The following SYN3 variants were observed in gnomAD, a reference collection of about 807,000 sequenced individuals.
SYN3 encodes the protein synapsin III, also known as synapsin-3.
A neutral mutation model predicts 65.8 loss-of-function variants in SYN3; 35 were observed. That is an observed-to-expected ratio of 0.53 (90% CI 0.41 to 0.70). The LOEUF (loss-of-function observed/expected upper bound fraction) is 0.70, where lower values mean the gene tolerates loss of function less well. Ranked by LOEUF, SYN3 falls within the 30% of genes least tolerant of loss-of-function variation. The pLI is 0.00. For synonymous variants in SYN3, 270 were observed against 292.9 expected (o/e 0.92, Z 0.80); for missense variants, 680 against 749.0 (o/e 0.91, Z 1.08).
At chr22:32,572,551 CCTT>C (rs1051763470) in intron 7 of SYN3, among the ~76,000 whole-genome samples, 23 of 142,706 alleles carry the variant, frequency 1.6e-4, no homozygotes, top group African/African-American at 5.7e-4. Flanking sequence ...TTTTCTCTCT[CCTT>C]CTCTTTCCTT....
intron 6 of SYN3, among the ~76,000 whole-genome samples, chr22:32,754,340 C>T (rs780377220): frequency 2.6e-5 from 4 of 152,080 alleles, no homozygotes; most frequent in Non-Finnish European, 2.9e-5. Flanking sequence ...TTAGTAGAGA[C>T]GGGGTTTCAC....
At chr22:32,746,477 C>A (rs1425241591) in intron 6 of SYN3, among the ~76,000 whole-genome samples, 2 of 151,994 alleles carry the variant, frequency 1.3e-5, no homozygotes, top group Non-Finnish European at 2.9e-5. Flanking sequence ...AAAGCGTGGA[C>A]AAACCCATGA....
intron 7 of SYN3, among the ~76,000 whole-genome samples, chr22:32,559,698 G>C (rs759174977): frequency 4.6e-5 from 7 of 152,112 alleles, no homozygotes; most frequent in Non-Finnish European, 8.8e-5. Context: ...CGTGGCGGCG[G>C]GTGGCGCCTG....
chr22:32,678,218 C>T (rs1017478840), intron 6 of SYN3, among the ~76,000 whole-genome samples: 6 of 152,202 alleles, frequency 3.9e-5, no homozygotes, highest in Non-Finnish European at 8.8e-5. Flanking sequence ...ATGAATTTGA[C>T]TCTAGAATGG....
chr22:32,634,627 T>C (rs1045037618), intron 6 of SYN3, among the ~76,000 whole-genome samples: 1 of 152,202 alleles, frequency 6.6e-6, no homozygotes, highest in Non-Finnish European at 1.5e-5. Context: ...GCTTCCTTGT[T>C]TTTTGTTCAC....
At chr22:32,572,388 T>C (rs1374806796) in intron 7 of SYN3, among the ~76,000 whole-genome samples, 90 of 72,370 alleles carry the variant, frequency 1.2e-3, no homozygotes, top group East Asian at 4.4e-3. Context: ...CCATCTTTCC[T>C]TCCTTCCCTC....
intron 6 of SYN3, among the ~76,000 whole-genome samples, chr22:32,782,515 C>CTTTTTTTTTTT (rs1265679936): frequency 8.1e-6 from 1 of 124,172 alleles, no homozygotes; most frequent in Non-Finnish European, 1.7e-5. Flanking sequence ...CCTTGTAATT[C>CTTTTTTTTTTT]TTTTTTTTTT....
intron 1 of SYN3, among the ~76,000 whole-genome samples, chr22:33,009,751 AACACACAC>A (rs58156623): frequency 0.12 from 17,599 of 141,196 alleles, 1,146 homozygotes; most frequent in Admixed American, 0.16. Flanking sequence ...TACGTATCTA[AACACACAC>A]ACACACACAC....
intron 6 of SYN3, among the ~76,000 whole-genome samples, chr22:32,760,455 C>T: frequency 6.6e-6 from 1 of 152,078 alleles, no homozygotes; most frequent in Non-Finnish European, 1.5e-5. Flanking sequence ...GGAAACGGGG[C>T]TCAGAGATGG....
intron 6 of SYN3, among the ~76,000 whole-genome samples, chr22:32,624,555 G>A (rs1014319834): frequency 1.3e-5 from 2 of 152,188 alleles, no homozygotes; most frequent in Non-Finnish European, 2.9e-5. Context: ...CACCTGTAGG[G>A]ACCTGTCCAA....
At chr22:32,676,251 C>T (rs990225770) in intron 6 of SYN3, among the ~76,000 whole-genome samples, 6 of 2,574 alleles carry the variant, frequency 2.3e-3, no homozygotes, top group Non-Finnish European at 3.2e-3. Context: ...TTCATTAAGG[C>T]GTATCCCAGG....
chr22:32,830,042 C>T (rs890996113), intron 6 of SYN3, among the ~76,000 whole-genome samples: 1 of 152,342 alleles, frequency 6.6e-6, no homozygotes, highest in African/African-American at 2.4e-5. Flanking sequence ...AACTGAAATG[C>T]TCCAAACAAG....
intron 5 of SYN3, 46 bp downstream of exon 5, chr22:32,868,920 C>CCACT: frequency 6.3e-7 from 1 of 1,579,324 alleles, no homozygotes; most frequent in East Asian, 2.3e-5. Context: ...GGGAGGCCAC[C>CCACT]CACTGCCTCC....
chr22:32,693,131 AT>A (rs1160161764), intron 6 of SYN3, among the ~76,000 whole-genome samples: 1 of 152,212 alleles, frequency 6.6e-6, no homozygotes, highest in African/African-American at 2.4e-5. Flanking sequence ...ATGAAGTTTA[AT>A]TTATAAATTA....
chr22:32,550,588 T>G (rs2058398589), intron 7 of SYN3, among the ~76,000 whole-genome samples: 1 of 151,972 alleles, frequency 6.6e-6, no homozygotes. Flanking sequence ...AATAAATAAG[T>G]GTTGTAATCT....
intron 6 of SYN3, among the ~76,000 whole-genome samples, chr22:32,787,127 A>C (rs2046216148): frequency 6.8e-6 from 1 of 146,162 alleles, no homozygotes; most frequent in Admixed American, 7.1e-5. Context: ...GGCTCACTGC[A>C]GCCTCCATCT....
chr22:32,571,094 A>G (rs1343175443), intron 7 of SYN3, among the ~76,000 whole-genome samples: 1 of 152,188 alleles, frequency 6.6e-6, no homozygotes, highest in Non-Finnish European at 1.5e-5. Context: ...GTCCTAAATC[A>G]TGACCACAGT....
intron 1 of SYN3, among the ~76,000 whole-genome samples, chr22:33,025,588 C>G (rs987449160): frequency 2.0e-5 from 3 of 150,482 alleles, no homozygotes; most frequent in East Asian, 1.9e-4. Context: ...GAGCTGAGAT[C>G]GCACCACTGG....
intron 6 of SYN3, among the ~76,000 whole-genome samples, chr22:32,840,176 A>G (rs151066026): frequency 6.6e-6 from 1 of 152,072 alleles, no homozygotes; most frequent in African/African-American, 2.4e-5. Context: ...AGCTTTCCAG[A>G]TTTTCTGAGT....
Sources: gnomAD v4.1 joint callset for allele counts (sites outside exome capture counted in the v4.1 genomes callset) on GRCh38, gnomAD v4.1.1 for gene constraint, MANE v1.5 for transcripts, NCBI Gene and HGNC (gene_info 2026-07-23, HGNC 2026-07-21) for gene names.